PARP6: variants seen among roughly 807,000 people sequenced by gnomAD.
The protein encoded by PARP6 is poly(ADP-ribose) polymerase family member 6, also known as protein mono-ADP-ribosyltransferase PARP6.
In PARP6, 27 loss-of-function variants were observed where a neutral mutation model predicts 92.0. The ratio of observed to expected loss-of-function variants is 0.29; its 90% CI spans 0.22 to 0.40. The LOEUF (loss-of-function observed/expected upper bound fraction) is 0.40, where lower values mean the gene tolerates loss of function less well. Among genes scored for constraint, PARP6 ranks in the 10% least tolerant of loss-of-function variants. The pLI is 1.00. For missense variants in PARP6, 501 were observed against 784.5 expected, an observed-to-expected ratio of 0.64 and a Z score of 4.32; for synonymous variants, 272 against 281.2, an observed-to-expected ratio of 0.97 and a Z score of 0.33.
intron 7 of PARP6, among the ~76,000 whole-genome samples, 160 bp from the exon 8 acceptor site, chr15:72,264,781 T>G (rs2086355275): frequency 6.6e-6 from 1 of 152,176 alleles, no homozygotes; most frequent in Non-Finnish European, 1.5e-5. Flanking sequence ...AGAGGGCAGA[T>G]TCTCGAAGCT....
At chr15:72,266,096 G>T in intron 4 of PARP6, 105 bp from the exon 5 acceptor site, 1 of 821,198 alleles carries the variant, frequency 1.2e-6, no homozygotes. Flanking sequence ...GGAGAAATCA[G>T]ACAGCAGTAT....
intron 16 of PARP6, 148 bp downstream of exon 16, chr15:72,253,289 T>C (rs1386679267): frequency 6.4e-6 from 3 of 471,296 alleles, no homozygotes; most frequent in Non-Finnish European, 1.1e-5. Context: ...AGGCAAGGTA[T>C]GCCAACAAAC....
chr15:72,245,876 A>G (rs1445763232), intron 20 of PARP6: 1 of 152,244 alleles, frequency 6.6e-6, no homozygotes, highest in African/African-American at 2.4e-5. Context: ...GGGAGGGCAT[A>G]GGGAGAAAAC....
In PARP6 at chr15:72,264,797, A is replaced by G. The variant is rs150964473; in HGVS notation, c.329-176T>C. Among the ~76,000 whole-genome samples, 134 of 152,370 alleles carry G rather than the reference A, an allele frequency of 8.8e-4. 1 individual carries two copies. Among genetic ancestry groups the G allele is most frequent in the Non-Finnish European group, 1.6e-3 (106 of 68,032 alleles). On this transcript the variant is annotated intron_variant, in intron 7 of 23. Transcript: ENST00000569795. ...GAGGGCAGATTCTCGAAGCTGTCAT[A>G]TGAATCTGAAATATCCTCAGGAGGA...
intron 20 of PARP6, among the ~76,000 whole-genome samples, chr15:72,247,624 G>T (rs1210789296): frequency 6.6e-6 from 1 of 152,044 alleles, no homozygotes; most frequent in Non-Finnish European, 1.5e-5. Flanking sequence ...GCTTGGTGAG[G>T]TTTATTTTGT....
chr15:72,249,132 G>A, intron 20 of PARP6, 113 bp downstream of exon 20: 2 of 550,150 alleles, frequency 3.6e-6, no homozygotes, highest in Non-Finnish European at 6.7e-6. Context: ...ATCGGGGAGA[G>A]AGCTGACACA....
At chr15:72,271,618 A>T (rs2087445907) in intron 1 of PARP6, among the ~76,000 whole-genome samples, 1 of 152,230 alleles carries the variant, frequency 6.6e-6, no homozygotes, top group African/African-American at 2.4e-5. Context: ...AGGAGTACAG[A>T]AGGACTGGGA....
chr15:72,248,565 T>C (rs983495665), intron 20 of PARP6, among the ~76,000 whole-genome samples: 4 of 152,188 alleles, frequency 2.6e-5, no homozygotes. Context: ...CTTCATGTAG[T>C]GAACATGCAA....
At chr15:72,249,439 G>A (rs1276218499) in intron 19 of PARP6, 125 bp from the exon 20 acceptor site, 5 of 550,304 alleles carry the variant, frequency 9.1e-6, no homozygotes, top group African/African-American at 1.9e-5. Context: ...GTAACCCTAA[G>A]CACCTATTCT....
intron 18 of PARP6, among the ~76,000 whole-genome samples, chr15:72,250,615 T>C (rs1484180336): frequency 3.3e-5 from 5 of 152,216 alleles, no homozygotes; most frequent in Non-Finnish European, 7.3e-5. Context: ...AGCCACATCT[T>C]TTCACATGTA....
chr15:72,251,152 C>G (rs1250458713), intron 17 of PARP6, 55 bp downstream of exon 17: 1 of 1,230,180 alleles, frequency 8.1e-7, no homozygotes. Context: ...GCTTCCAGCC[C>G]CTCCCTGCCC....
chr15:72,267,341 T>C, intron 3 of PARP6, 134 bp downstream of exon 3: 6 of 950,862 alleles, frequency 6.3e-6, no homozygotes, highest in Non-Finnish European at 1.0e-5. Context: ...GCCCCTTCCC[T>C]TTCCTTTAAC....
rs1320655573 is a variant in PARP6, at chr15:72,257,398, T to A, written c.949A>T (p.Thr317Ser). 1.2e-6 allele frequency: 2 copies of A among 1,614,036 alleles called. No homozygotes were observed. Among genetic ancestry groups the A allele is most frequent in the Non-Finnish European group, 1.7e-6 (2 of 1,179,974 alleles). Reference sequence around the variant, plus strand: ...GCAGCTCCAGACATGACGCCCAGTGTGTAGAAGGAGAAAACGCATAGTTCA... The same window carrying A: ...GCAGCTCCAGACATGACGCCCAGTGAGTAGAAGGAGAAAACGCATAGTTCA... ...TRELCVFSFY[T>S]LGVMSGAAEE... The change falls in exon 13 of 24, where the codon ACA becomes TCA. Residue 317 changes from threonine (T) to serine (S), a missense_variant. Coordinates refer to ENST00000569795, the MANE Select transcript of PARP6 (RefSeq NM_001323532.2).
In PARP6 at chr15:72,265,561, G is replaced by A. The variant is rs1597139946; in HGVS notation, c.177-88C>T. On this transcript the variant is annotated intron_variant, in intron 5 of 23. Transcript: ENST00000569795. ...GAGTTGGAAAGAGAACTGAGCCTGG[G>A]GACAGGGGAAAGGGAAGAGTGGATG... is the stretch of plus-strand genomic sequence containing the variant. 2.6e-5 allele frequency: 27 copies of A among 1,040,208 alleles called. No homozygotes were observed. In the East Asian group the frequency reaches 2.8e-4, roughly 11 times the overall value. 64.4% of individuals were successfully genotyped at this position (1,040,208 alleles called of 1,614,324 possible).
At chr15:72,266,053 TAATAAAAAGAA>T in intron 4 of PARP6, 62 bp from the exon 5 acceptor site, 1 of 1,092,726 alleles carries the variant, frequency 9.2e-7, no homozygotes, top group Non-Finnish European at 1.4e-6. Context: ...AAGAGAGAGA[TAATAAAAAGAA>T]TATGAAAAGA....
chr15:72,261,762 G>A (rs143014187), intron 8 of PARP6, 55 bp from the exon 9 acceptor site: 34,138 of 1,539,448 alleles, frequency 0.022, 489 homozygotes, highest in Non-Finnish European at 0.027. Flanking sequence ...CAAGAAATAA[G>A]GACTAAAGAG....
Position 72,267,484 on chromosome 15 carries a change from A to C in PARP6, c.-7T>G. On this transcript the variant is annotated 5_prime_UTR_variant, in exon 3 of 24. Coordinates refer to ENST00000569795, the MANE Select transcript of PARP6 (RefSeq NM_001323532.2). Reference sequence around the variant, plus strand: ...GGCAGTCAGTTCTCACCATTGGGTCAGTGGGTCACACACACTCTCAGGTCA... The same window carrying C: ...GGCAGTCAGTTCTCACCATTGGGTCCGTGGGTCACACACACTCTCAGGTCA... 6.2e-7 allele frequency: 1 copy of C among 1,613,976 alleles called. No individual in the cohort carries two copies. The highest frequency in any genetic ancestry group is 1.1e-5 in the South Asian group (1 of 91,074).
intron 11 of PARP6, 65 bp from the exon 12 acceptor site, chr15:72,258,197 T>A: frequency 1.6e-6 from 2 of 1,284,392 alleles, no homozygotes; most frequent in South Asian, 1.2e-5. Context: ...GGAAATAATT[T>A]CAGCTTTTTT....
intron 4 of PARP6, among the ~76,000 whole-genome samples, chr15:72,266,405 T>C (rs532939425): frequency 3.9e-4 from 59 of 152,158 alleles, no homozygotes; most frequent in Non-Finnish European, 7.6e-4. Context: ...TGGGTAGTGA[T>C]GGCATTAAGC....
Sources: allele counts gnomAD v4.1 joint callset (sites outside exome capture counted in the v4.1 genomes callset), GRCh38; gene constraint gnomAD v4.1.1; transcripts MANE v1.5; gene names NCBI Gene and HGNC (gene_info 2026-07-23, HGNC 2026-07-21).